The following FLAD1 variants were observed in gnomAD, a reference collection of about 807,000 sequenced individuals.
FLAD1 encodes flavin adenine dinucleotide synthetase 1.
In FLAD1, 35 loss-of-function variants were observed where a neutral mutation model predicts 55.0. That is an observed-to-expected ratio of 0.64 (90% confidence interval 0.49 to 0.84). The LOEUF (loss-of-function observed/expected upper bound fraction) is 0.84. Among genes scored for constraint, FLAD1 ranks in the 40% least tolerant of loss-of-function variants. FLAD1 has a pLI of 0.00. For synonymous variants in FLAD1, 267 were observed against 303.0 expected (o/e 0.88, Z 1.23); for missense variants, 665 against 742.6 (o/e 0.90, Z 1.21).
chr1:154,989,660 C>G lies in FLAD1; in HGVS notation c.1218C>G (p.Gly406=), dbSNP rs1657778092. Residue 406 remains glycine, a synonymous_variant, in exon 3 of 7, where the codon GGC becomes GGG. Coordinates refer to ENST00000292180, the MANE Select transcript of FLAD1 (RefSeq NM_025207.5). Reference sequence around the variant, plus strand: ...AGCTCTGTGTGGGCTTCAACGGGGGCAAAGACTGCACTGCCCTCCTGCACC... The same window carrying G: ...AGCTCTGTGTGGGCTTCAACGGGGGGAAAGACTGCACTGCCCTCCTGCACC... ...LTQLCVGFNG[G]KDCTALLHLF... is the part of the protein sequence containing the mutation. 2 of 1,594,642 alleles carry G rather than the reference C, an allele frequency of 1.3e-6. No individual in the cohort carries two copies. The highest frequency in any genetic ancestry group is 1.7e-6 in the Non-Finnish European group (2 of 1,169,290).
intron 1 of FLAD1, among the ~76,000 whole-genome samples, chr1:154,985,324 G>A (rs1258134341): frequency 6.7e-6 from 1 of 149,206 alleles, no homozygotes; most frequent in Non-Finnish European, 1.5e-5. Flanking sequence ...CACCTCTCGC[G>A]TTCAAGCAGT....
At chr1:154,991,393 A>G (rs1156235553) in intron 5 of FLAD1, among the ~76,000 whole-genome samples, 1 of 151,246 alleles carries the variant, frequency 6.6e-6, no homozygotes, top group Non-Finnish European at 1.5e-5. Context: ...AGTCTCTACT[A>G]AAAATACAAA....
chr1:154,992,951 A>T lies in FLAD1; in HGVS notation c.1678A>T (p.Lys560Ter). The T allele has an allele frequency of 6.2e-7, 1 of 1,614,012 alleles. No homozygotes were observed. The highest frequency in any genetic ancestry group is 8.5e-7 in the Non-Finnish European group (1 of 1,179,986). Residue 560 changes from lysine (K) to a stop codon, truncating the protein, a stop_gained, in exon 7 of 7, where the codon AAG (lysine) becomes TAG (stop). Transcript: ENST00000292180. LOFTEE classifies it high-confidence loss of function. Reference protein sequence around the residue: ...RENTVRNPALKCLSPGGHPTY... With the variant: ...RENTVRNPAL ...GAATACCGTGCGGAACCCGGCCCTGAAGTGCCTGAGCCCAGGAGGACACCC... is the reference window on the plus strand; with the variant it reads ...GAATACCGTGCGGAACCCGGCCCTGTAGTGCCTGAGCCCAGGAGGACACCC...
chr1:154,989,524 G>A (rs1350586100), intron 2 of FLAD1, 36 bp from the exon 3 acceptor site: 4 of 1,516,708 alleles, frequency 2.6e-6, no homozygotes, highest in Non-Finnish European at 2.7e-6. Flanking sequence ...AGCCATATGT[G>A]TCCATCTGAT....
intron 5 of FLAD1, among the ~76,000 whole-genome samples, chr1:154,991,561 CAA>C (rs956035708): frequency 1.2e-4 from 18 of 146,722 alleles, no homozygotes; most frequent in African/African-American, 4.5e-4. Context: ...TCCAAACAAA[CAA>C]AAAAAAAATA....
In FLAD1 at chr1:154,992,926, G is replaced by C. The variant is rs1423723854; in HGVS notation, c.1653G>C (p.Glu551Asp). ...DRGYTSLGSRENTVRNPALKC... is the reference protein window; with the variant it reads ...DRGYTSLGSRDNTVRNPALKC... The stretch of plus-strand genomic sequence containing the variant: ...GATACACATCACTGGGGAGTCGGGA[G>C]AATACCGTGCGGAACCCGGCCCTGA... Residue 551 changes from glutamate (E) to aspartate (D), a missense_variant, in exon 7 of 7, where the codon GAG (glutamate) becomes GAC (aspartate). Glu to Asp is a conservative substitution (Grantham distance 45). Coordinates refer to ENST00000292180, the MANE Select transcript of FLAD1 (RefSeq NM_025207.5). 2 of 1,613,896 alleles carry C rather than the reference G, an allele frequency of 1.2e-6. No individual in the cohort carries two copies. Among genetic ancestry groups the C allele is most frequent in the Non-Finnish European group, 1.7e-6 (2 of 1,179,994 alleles).
chr1:154,990,350 A>G lies in FLAD1; in HGVS notation c.1376A>G (p.Gln459Arg). 2.5e-6 allele frequency: 4 copies of G among 1,613,846 alleles called. No individual in the cohort carries two copies. Among genetic ancestry groups the G allele is most frequent in the Non-Finnish European group, 3.4e-6 (4 of 1,179,832 alleles). ...LQDTIKRYNL[Q>R]MLEAEGSMKQ... ...TGTTTCTTCCTAAGGTATAATCTGC[A>G]GATGTTGGAAGCTGAGGGCAGCATG... Residue 459 changes from glutamine (Q) to arginine (R), a missense_variant, in exon 5 of 7, where the codon CAG becomes CGG. By Grantham distance (43) the Gln-to-Arg change is conservative. Coordinates refer to ENST00000292180, the MANE Select transcript of FLAD1 (RefSeq NM_025207.5).
At chr1:154,991,223 A>ATATATAT (rs58377614) in intron 5 of FLAD1, 20 of 116,068 alleles carry the variant, frequency 1.7e-4, no homozygotes, top group African/African-American at 6.7e-4. Flanking sequence ...AAAAAAAAAA[A>ATATATAT]AAATATATAT....
At chr1:154,992,420 G>A (rs905140259) in intron 5 of FLAD1, 2 of 716,324 alleles carry the variant, frequency 2.8e-6, no homozygotes, top group African/African-American at 1.8e-5. Flanking sequence ...TCCAGCCTGG[G>A]CGACAGAGCC....
At chr1:154,985,627 G>C (rs1472384104) in intron 1 of FLAD1, among the ~76,000 whole-genome samples, 1 of 150,262 alleles carries the variant, frequency 6.7e-6, no homozygotes, top group Admixed American at 6.6e-5. Context: ...GGCTGGTCTC[G>C]AACTCCTGAC....
chr1:154,991,273 G>A (rs1657857010), intron 5 of FLAD1: 1 of 146,240 alleles, frequency 6.8e-6, no homozygotes, highest in Admixed American at 6.9e-5. Context: ...CACATACACA[G>A]GCCGGGCGTA....
chr1:154,988,865 AG>A lies in FLAD1; in HGVS notation c.1117+18del. 1 of 1,613,870 alleles carries A rather than the reference AG, an allele frequency of 6.2e-7. No individual in the cohort carries two copies. The highest frequency in any genetic ancestry group is 8.5e-7 in the Non-Finnish European group (1 of 1,179,800). On this transcript the variant is annotated intron_variant, in intron 2 of 6. Coordinates refer to ENST00000292180, the MANE Select transcript of FLAD1 (RefSeq NM_025207.5). ...GCTGAATCAGGTAGGGACCTTATGG[AG>A]GAGGGGCATTATGCCCAAAGCCATT... is the stretch of plus-strand genomic sequence containing the variant.
At chr1:154,987,455 T>A in intron 1 of FLAD1, 1 of 155,714 alleles carries the variant, frequency 6.4e-6, no homozygotes, top group Non-Finnish European at 1.4e-5. Flanking sequence ...TGAACTTTCT[T>A]CTGTATACAG....
rs1244994325 is a variant in FLAD1, at chr1:154,993,047, C to G, written c.*10C>G. ...GAACTCCCGCACATGACCTCCCACC[C>G]TAGGAGGGAGGGAAGGACACCGTCC... On this transcript the variant is annotated 3_prime_UTR_variant, in exon 7 of 7. Transcript: ENST00000292180. The G allele has an allele frequency of 3.7e-6, 6 of 1,611,956 alleles. No homozygotes were observed. Among genetic ancestry groups the G allele is most frequent in the Non-Finnish European group, 5.1e-6 (6 of 1,178,282 alleles).
At chr1:154,985,537 G>GGACT (rs1657546591) in intron 1 of FLAD1, among the ~76,000 whole-genome samples, 1 of 151,364 alleles carries the variant, frequency 6.6e-6, no homozygotes, top group Non-Finnish European at 1.5e-5. Context: ...CAAGTGGCTG[G>GGACT]GACTACAGGC....
rs759646371 is a variant in FLAD1 at position 154,988,463 on chromosome 1, C to T, written c.731C>T (p.Pro244Leu). The T allele has an allele frequency of 3.1e-6, 5 of 1,614,242 alleles. No homozygotes were observed. The South Asian group carries it at 4.4e-5, about 14-fold the overall frequency. ...DPCTGQPFRF[P>L]LVSVRNVYLF... Reference sequence around the variant, plus strand: ...TGCACTGGTCAACCTTTCAGATTCCCTCTGGTCTCCGTCCGAAACGTCTAC... The same window carrying T: ...TGCACTGGTCAACCTTTCAGATTCCTTCTGGTCTCCGTCCGAAACGTCTAC... Residue 244 changes from proline to leucine, a missense_variant, in exon 2 of 7, where the codon CCT becomes CTT. Physicochemically the swap from Pro to Leu is moderately conservative, Grantham distance 98. Transcript: ENST00000292180.
intron 5 of FLAD1, chr1:154,990,793 T>G: frequency 3.0e-6 from 1 of 328,288 alleles, no homozygotes. Context: ...AATTATTTAT[T>G]TATACTTAAA....
chr1:154,990,212 C>T lies in FLAD1; in HGVS notation c.1319C>T (p.Ser440Phe), dbSNP rs1314772671. The stretch of plus-strand genomic sequence containing the variant: ...CAGATCCTGTATATCCGCAGCATCT[C>T]CCCTTTCCCTGAGCTGGAACAGTTT... ...PLQILYIRSI[S>F]PFPELEQFLQ... Residue 440 changes from serine to phenylalanine, a missense_variant, in exon 4 of 7, where the codon TCC becomes TTC. By Grantham distance (155) the Ser-to-Phe change is radical. Transcript: ENST00000292180. 6.2e-7 allele frequency: 1 copy of T among 1,614,178 alleles called. No homozygotes were observed. Among genetic ancestry groups the T allele is most frequent in the Admixed American group, 1.7e-5 (1 of 60,016 alleles).
chr1:154,984,126 TGCAC>T, intron 1 of FLAD1, 60 bp downstream of exon 1: 1 of 1,385,724 alleles, frequency 7.2e-7, no homozygotes, highest in African/African-American at 1.4e-5. Context: ...AAGGGCCTGC[TGCAC>T]ATCCCTCCAT....
Sources: gnomAD v4.1 joint callset for allele counts (sites outside exome capture counted in the v4.1 genomes callset) on GRCh38, gnomAD v4.1.1 for gene constraint, MANE v1.5 for transcripts, NCBI Gene and HGNC (gene_info 2026-07-23, HGNC 2026-07-21) for gene names.